NLRC3: variants seen among roughly 807,000 people sequenced by gnomAD.
The protein encoded by NLRC3 is NLR family CARD domain containing 3, also known as NLR family CARD domain-containing protein 3.
NLRC3 carries 87 observed loss-of-function variants against 91.6 expected under a neutral mutation model. The ratio of observed to expected loss-of-function variants is 0.95; its 90% confidence interval spans 0.80 to 1.14. The LOEUF (loss-of-function observed/expected upper bound fraction) is 1.14, where lower values mean the gene tolerates loss of function less well. Ranked by LOEUF, NLRC3 falls within the 50% of genes most tolerant of loss-of-function variation. NLRC3 has a pLI of 0.00. For synonymous variants in NLRC3, 694 were observed against 625.3 expected (o/e 1.11, Z -1.64); for missense variants, 1,577 against 1,418.6 (o/e 1.11, Z -1.79).
At chr16:3,551,499 C>A (rs2038998271) in intron 10 of NLRC3, among the ~76,000 whole-genome samples, 1 of 151,582 alleles carries the variant, frequency 6.6e-6, no homozygotes, top group Non-Finnish European at 1.5e-5. Flanking sequence ...ATCCCTCCAT[C>A]TACCCACTCA....
chr16:3,554,188 T>G, intron 9 of NLRC3, 54 bp downstream of exon 9: 4 of 1,349,972 alleles, frequency 3.0e-6, no homozygotes, highest in Non-Finnish European at 4.3e-6. Flanking sequence ...GAGAGGCCCT[T>G]GGAGGAGGAG....
rs2039779907 is a variant in NLRC3, at chr16:3,564,497, G to A, written c.440C>T (p.Ala147Val). 1 of 1,612,364 alleles carries A rather than the reference G, an allele frequency of 6.2e-7. No individual in the cohort carries two copies. Among genetic ancestry groups the A allele is most frequent in the Admixed American group, 1.7e-5 (1 of 60,008 alleles). Reference sequence around the variant, plus strand: ...CACCAGGGTGGTCTTGCCCATGCCGGCCACCCCGATAGTGATGGAGACCCG... The same window carrying A: ...CACCAGGGTGGTCTTGCCCATGCCGACCACCCCGATAGTGATGGAGACCCG... ...PPRVSITIGV[A>V]GMGKTTLVRH... The change falls in exon 5 of 20, where the codon GCC becomes GTC. Residue 147 changes from alanine (A) to valine (V), a missense_variant. Transcript: ENST00000359128. This position sits in a 1 kb window ranked among gnomAD's most constrained non-coding sequence, Gnocchi z 5.9.
In NLRC3 at chr16:3,548,605, G is replaced by A. The variant is rs988716742; in HGVS notation, c.2687+65C>T. Reference sequence around the variant, plus strand: ...ACCAGGTGTGGCCTGTGCATCGTTGGTTTGGGTGGAGCCCGGCAGCTCTGC... The same window carrying A: ...ACCAGGTGTGGCCTGTGCATCGTTGATTTGGGTGGAGCCCGGCAGCTCTGC... On this transcript the variant is annotated intron_variant, in intron 14 of 19. Coordinates refer to ENST00000359128, the MANE Select transcript of NLRC3 (RefSeq NM_178844.4). The A allele has an allele frequency of 3.2e-6, 4 of 1,252,518 alleles. No individual in the cohort carries two copies. The Admixed American group carries it at 6.1e-5, about 19-fold the overall frequency. 77.6% of individuals were successfully genotyped at this position (1,252,518 alleles called of 1,614,324 possible). A position where few individuals can be genotyped will look rare whatever the true frequency, so the allele number is the denominator to read the frequency against.
chr16:3,541,771 G>T lies in NLRC3; in HGVS notation c.*54C>A. The T allele has an allele frequency of 7.8e-7, 1 of 1,281,656 alleles. No homozygotes were observed. Among genetic ancestry groups the T allele is most frequent in the Non-Finnish European group, 1.1e-6 (1 of 891,354 alleles). The allele number at this position is 1,281,656 out of a possible 1,614,324, so 79.4% of individuals were successfully genotyped here. A position where few individuals can be genotyped will look rare whatever the true frequency, so the allele number is the denominator to read the frequency against. On this transcript the variant is annotated 3_prime_UTR_variant, in exon 20 of 20. Transcript: ENST00000359128. Reference sequence around the variant, plus strand: ...AGGCCCCCCAGAAGTCGGCCTTTCTGTTCAAAAGCTTCCAGCTGAGCATCT... The same window carrying T: ...AGGCCCCCCAGAAGTCGGCCTTTCTTTTCAAAAGCTTCCAGCTGAGCATCT...
In NLRC3 at chr16:3,564,967, G is replaced by C; in HGVS notation, c.70C>G (p.Gln24Glu). 6.2e-7 allele frequency: 1 copy of C among 1,610,514 alleles called. No individual in the cohort carries two copies. The highest frequency in any genetic ancestry group is 8.5e-7 in the Non-Finnish European group (1 of 1,179,702). ...AGCAGATCCATGAGGGCTTTCACCT[G>C]CTCGGCTGGGGAGCCCGTACCGTGG... ...QGHGTGSPAE[Q>E]VKALMDLLAG... Residue 24 changes from glutamine to glutamate, a missense_variant, in exon 4 of 20, where the codon CAG becomes GAG. Gln to Glu is a conservative substitution (Grantham distance 29, BLOSUM62 2). Coordinates refer to ENST00000359128, the MANE Select transcript of NLRC3 (RefSeq NM_178844.4). This position sits in a 1 kb window ranked among gnomAD's most constrained non-coding sequence, Gnocchi z 5.9.
intron 1 of NLRC3, among the ~76,000 whole-genome samples, chr16:3,572,292 G>A (rs2040125666): frequency 6.6e-6 from 1 of 151,992 alleles, no homozygotes; most frequent in African/African-American, 2.4e-5. Flanking sequence ...AGAACATGGA[G>A]GTAGTGGGAA....
At chr16:3,565,535 A>G (rs1306564108) in intron 2 of NLRC3, among the ~76,000 whole-genome samples, 155 bp from the exon 3 acceptor site, 3 of 140,144 alleles carry the variant, frequency 2.1e-5, no homozygotes, top group African/African-American at 5.2e-5. Context: ...ACACTGTGTG[A>G]TTCTGACTAA....
Position 3,552,254 on chromosome 16 carries a change from T to C in NLRC3, c.2293A>G (p.Met765Val), listed in dbSNP as rs775385819. The C allele has an allele frequency of 1.2e-6, 2 of 1,613,428 alleles. No homozygotes were observed. The highest frequency in any genetic ancestry group is 1.7e-6 in the Non-Finnish European group (2 of 1,179,394). Residue 765 changes from methionine (M) to valine (V), a missense_variant, in exon 10 of 20, where the codon ATG becomes GTG. By Grantham distance (21) the Met-to-Val change is conservative. Transcript: ENST00000359128. ...LHLQKNSIGP[M>V]GAQRMADALK... ...GCATCTGCCATCCGCTGGGCTCCCA[T>C]GGGCCCGATGCTGTTCTTCTGCAGG...
intron 2 of NLRC3, among the ~76,000 whole-genome samples, chr16:3,566,101 C>CAAAAA (rs1027448717): frequency 2.3e-3 from 49 of 21,316 alleles, no homozygotes; most frequent in African/African-American, 4.6e-3. Context: ...GAGCAAAAAG[C>CAAAAA]AAAAAAAAAA....
chr16:3,541,941 C>T, intron 19 of NLRC3, 26 bp from the exon 20 acceptor site: 2 of 1,391,956 alleles, frequency 1.4e-6, no homozygotes, highest in Non-Finnish European at 2.0e-6. Flanking sequence ...TAAGGCAGGG[C>T]TCAAAGCCTG....
chr16:3,544,616 T>C, intron 15 of NLRC3: 1 of 389,044 alleles, frequency 2.6e-6, no homozygotes, highest in Non-Finnish European at 4.7e-6. Flanking sequence ...AAGGGGATGC[T>C]TTTCACAGCC....
chr16:3,573,640 G>T (rs558357239), intron 1 of NLRC3, among the ~76,000 whole-genome samples: 32 of 152,308 alleles, frequency 2.1e-4, no homozygotes, highest in African/African-American at 7.5e-4. Flanking sequence ...GCTGCTGGGG[G>T]CGGGAGTGGC....
In NLRC3 at chr16:3,569,392, A is replaced by ATAT. The variant is rs1555446798; in HGVS notation, c.-168-2071_-168-2069dup. 3.8e-3 allele frequency among the ~76,000 whole-genome samples: 213 copies of ATAT among 55,546 alleles called. 9 individuals are homozygous for ATAT. Among genetic ancestry groups the ATAT allele is most frequent in the Middle Eastern group, 0.05 (2 of 40 alleles). 36.4% of individuals were successfully genotyped at this position (55,546 alleles called of 152,430 possible). ...AAACCATATATATATATATATATATATATTATTTTTTTTTTTTTTTTTTTT... is the reference window on the plus strand; with the variant it reads ...AAACCATATATATATATATATATATATATTATTATTTTTTTTTTTTTTTTTTTT... On this transcript the variant is annotated intron_variant, in intron 1 of 19. Coordinates refer to ENST00000359128, the MANE Select transcript of NLRC3 (RefSeq NM_178844.4).
At chr16:3,549,474 G>C (rs1469932544) in intron 12 of NLRC3, among the ~76,000 whole-genome samples, 1 of 152,176 alleles carries the variant, frequency 6.6e-6, no homozygotes, top group Non-Finnish European at 1.5e-5. Flanking sequence ...AGAGGTGCGA[G>C]GGGACAGGTG....
At chr16:3,565,822 G>A (rs571560258) in intron 2 of NLRC3, among the ~76,000 whole-genome samples, 3 of 152,102 alleles carry the variant, frequency 2.0e-5, no homozygotes, top group East Asian at 3.9e-4. Context: ...GTGATGGATC[G>A]CTTGAGCCCA....
chr16:3,543,309 T>G, intron 17 of NLRC3, 116 bp downstream of exon 17: 2 of 753,466 alleles, frequency 2.7e-6, no homozygotes, highest in Admixed American at 2.1e-5. Context: ...TGCACTGAAA[T>G]GAAGATCACC....
Position 3,577,151 on chromosome 16 carries a change from C to G in NLRC3, c.-171G>C, listed in dbSNP as rs1424934233. 2.8e-6 allele frequency: 2 copies of G among 703,018 alleles called. No individual in the cohort carries two copies. The highest frequency in any genetic ancestry group is 5.2e-6 in the Non-Finnish European group (2 of 385,050). The allele number at this position is 703,018 out of a possible 1,614,324, so 43.5% of individuals were successfully genotyped here. A position where few individuals can be genotyped will look rare whatever the true frequency, so the allele number is the denominator to read the frequency against. ...GAGGTCACCTGGACCCAACTTACCT[C>G]CCGGGCCTCGATGCTGCTCCAGGGA... On this transcript the variant is annotated splice_region_variant and 5_prime_UTR_variant, in exon 1 of 20. Transcript: ENST00000359128.
intron 6 of NLRC3, among the ~76,000 whole-genome samples, chr16:3,558,113 G>A (rs1403739435): frequency 2.6e-5 from 4 of 152,162 alleles, no homozygotes; most frequent in South Asian, 2.1e-4. Flanking sequence ...AGGCCAAGGC[G>A]GGAGCATCAC....
At chr16:3,549,676 G>C in intron 12 of NLRC3, 21 bp downstream of exon 12, 3 of 1,533,686 alleles carry the variant, frequency 2.0e-6, no homozygotes, top group Non-Finnish European at 1.8e-6. Flanking sequence ...GCCCTGTTTG[G>C]AGAGGGTGGC....
Sources: allele counts gnomAD v4.1 joint callset (sites outside exome capture counted in the v4.1 genomes callset), GRCh38; gene constraint gnomAD v4.1.1; non-coding constraint Gnocchi (gnomAD v3.1); transcripts MANE v1.5; gene names NCBI Gene and HGNC (gene_info 2026-07-23, HGNC 2026-07-21).